Variants in ZC3H12B observed in about 807,000 individuals in gnomAD.
The protein encoded by ZC3H12B is probable ribonuclease ZC3H12B.
A neutral mutation model predicts 43.9 loss-of-function variants in ZC3H12B; 7 were observed. The ratio of observed to expected loss-of-function variants is 0.16; its 90% CI spans 0.09 to 0.30. The LOEUF is 0.30. Among genes scored for constraint, ZC3H12B ranks in the 10% least tolerant of loss-of-function variants. ZC3H12B has a pLI of 1.00. For synonymous variants in ZC3H12B, 222 were observed against 241.7 expected (o/e 0.92, Z 0.76); for missense variants, 475 against 670.2 (o/e 0.71, Z 3.22).
the ZC3H12B span, among the ~76,000 whole-genome samples, chrX:65,238,275 C>T: frequency 1.8e-5 from 2 of 111,610 alleles, no homozygotes; most frequent in Non-Finnish European, 3.8e-5. Context: ...AATTTCAGAA[C>T]TTGTTATTGG....
chrX:65,199,921 A>G, the ZC3H12B span, among the ~76,000 whole-genome samples: 2 of 110,114 alleles, frequency 1.8e-5, no homozygotes, highest in African/African-American at 6.6e-5. Context: ...ATGTGTGTGT[A>G]TATCTTTATA....
At chrX:65,044,940 G>C in the ZC3H12B span, among the ~76,000 whole-genome samples, 27 of 107,905 alleles carry the variant, frequency 2.5e-4, no homozygotes, top group Admixed American at 1.0e-4. Context: ...TACCAGGGTG[G>C]GCAACATAGC....
chrX:65,107,351 C>T, the ZC3H12B span, among the ~76,000 whole-genome samples: 7 of 110,997 alleles, frequency 6.3e-5, no homozygotes, highest in Admixed American at 6.7e-4. Context: ...ACAATAAAGA[C>T]CTAGGTCAGT....
At chrX:65,303,636 CATT>C in the ZC3H12B span, among the ~76,000 whole-genome samples, 10 of 112,028 alleles carry the variant, frequency 8.9e-5, no homozygotes, top group Non-Finnish European at 1.7e-4. Flanking sequence ...ATAAGAATTC[CATT>C]TGAACACTTT....
At chrX:65,437,974 A>G (rs1411849168) in intron 3 of ZC3H12B, among the ~76,000 whole-genome samples, 3 of 112,429 alleles carry the variant, frequency 2.7e-5, no homozygotes, top group African/African-American at 9.7e-5. Flanking sequence ...CAGTTTTCCC[A>G]GTACCTCTTA....
At chrX:65,156,427 C>T in the ZC3H12B span, among the ~76,000 whole-genome samples, 1 of 111,842 alleles carries the variant, frequency 8.9e-6, no homozygotes, top group Non-Finnish European at 1.9e-5. Context: ...ATCGCCCATG[C>T]TGGAGTGCAA....
At chrX:65,458,344 C>A (rs2067667916) in intron 3 of ZC3H12B, among the ~76,000 whole-genome samples, 2 of 111,017 alleles carry the variant, frequency 1.8e-5, no homozygotes. Flanking sequence ...GAACTCAGCT[C>A]TGCACGAAGC....
At chrX:65,211,088 G>GAAA in the ZC3H12B span, among the ~76,000 whole-genome samples, 1,011 of 63,329 alleles carry the variant, frequency 0.016, 36 homozygotes, top group African/African-American at 0.052. Flanking sequence ...AAAAAAGAAA[G>GAAA]AAAAAAAAAA....
chrX:65,051,720 TAAG>T, the ZC3H12B span, among the ~76,000 whole-genome samples: 1 of 110,958 alleles, frequency 9.0e-6, no homozygotes, highest in Non-Finnish European at 1.9e-5. Flanking sequence ...GCCAGCCAAA[TAAG>T]GAGAAAGGGA....
chrX:65,310,216 G>C, the ZC3H12B span, among the ~76,000 whole-genome samples: 5 of 111,916 alleles, frequency 4.5e-5, no homozygotes, highest in Non-Finnish European at 9.4e-5. Flanking sequence ...AATTGTCCCT[G>C]TGTGCAGATG....
intron 1 of ZC3H12B, among the ~76,000 whole-genome samples, chrX:65,368,026 A>G (rs181789606): frequency 8.9e-4 from 100 of 112,309 alleles, no homozygotes; most frequent in African/African-American, 3.2e-3. Flanking sequence ...CCATAGTTTA[A>G]TGATCTGACT....
intron 2 of ZC3H12B, among the ~76,000 whole-genome samples, chrX:65,383,395 G>A (rs1231455993): frequency 1.8e-5 from 2 of 111,876 alleles, no homozygotes; most frequent in African/African-American, 6.5e-5. Context: ...AAACTGGCTA[G>A]CCATATGTAG....
At chrX:65,136,725 G>A in the ZC3H12B span, among the ~76,000 whole-genome samples, 2 of 111,545 alleles carry the variant, frequency 1.8e-5, no homozygotes, top group Admixed American at 1.9e-4. Flanking sequence ...ACTCATTGCT[G>A]TGTTGTCTCT....
chrX:65,256,919 G>T, the ZC3H12B span, among the ~76,000 whole-genome samples: 319 of 112,249 alleles, frequency 2.8e-3, 1 homozygote, highest in Non-Finnish European at 5.0e-3. Flanking sequence ...TCTCACACCA[G>T]TTAGAATGGC....
At chrX:65,452,917 G>GCT (rs2067539607) in intron 3 of ZC3H12B, among the ~76,000 whole-genome samples, 5 of 107,475 alleles carry the variant, frequency 4.7e-5, no homozygotes, top group African/African-American at 1.7e-4. Flanking sequence ...TTGTAAAAAT[G>GCT]AACATACTGC....
chrX:65,458,071 AAAAAAAAAAAAATT>A (rs2067659124), intron 3 of ZC3H12B, among the ~76,000 whole-genome samples: 1 of 89,883 alleles, frequency 1.1e-5, no homozygotes, highest in African/African-American at 5.3e-5. Context: ...ATAAAAAAAA[AAAAAAAAAAAAATT>A]AAAAAAAAAA....
the ZC3H12B span, among the ~76,000 whole-genome samples, chrX:65,211,946 CTATATAA>C: frequency 3.0e-3 from 185 of 62,649 alleles, no homozygotes; most frequent in African/African-American, 0.012. Flanking sequence ...GTTATGTATA[CTATATAA>C]TATATAATAT....
the ZC3H12B span, among the ~76,000 whole-genome samples, chrX:65,280,616 G>A: frequency 8.9e-6 from 1 of 111,802 alleles, no homozygotes; most frequent in Non-Finnish European, 1.9e-5. Context: ...AGACAACATG[G>A]TCACATATAC....
chrX:65,244,500 C>G, the ZC3H12B span, among the ~76,000 whole-genome samples: 1 of 108,159 alleles, frequency 9.2e-6, no homozygotes, highest in East Asian at 2.9e-4. Flanking sequence ...ATCCCAGTAC[C>G]TTGGGAGGCT....
Sources: allele counts gnomAD v4.1 joint callset (sites outside exome capture counted in the v4.1 genomes callset), GRCh38; gene constraint gnomAD v4.1.1; transcripts MANE v1.5; gene names NCBI Gene and HGNC (gene_info 2026-07-23, HGNC 2026-07-21).